PRKCE: variants seen among roughly 807,000 people sequenced by gnomAD.
PRKCE encodes protein kinase C epsilon type.
A neutral mutation model predicts 85.4 loss-of-function variants in PRKCE; 16 were observed. That is an observed-to-expected ratio of 0.19 (90% CI 0.13 to 0.28). PRKCE has a LOEUF of 0.28. Among genes scored for constraint, PRKCE ranks in the 10% least tolerant of loss-of-function variants. The pLI is 1.00. For missense variants in PRKCE, 573 were observed against 975.2 expected (o/e 0.59, Z 5.49); for synonymous variants, 388 against 371.5 (o/e 1.04, Z -0.51).
chr2:46,092,447 G>A (rs75456240), intron 11 of PRKCE, among the ~76,000 whole-genome samples: 4,883 of 152,252 alleles, frequency 0.032, 100 homozygotes, highest in Middle Eastern at 0.071. Context: ...GGGGAGACAA[G>A]GAGAAAGGAG....
At chr2:45,875,413 G>A (rs72801082) in intron 2 of PRKCE, among the ~76,000 whole-genome samples, 5,864 of 152,286 alleles carry the variant, frequency 0.039, 140 homozygotes, top group Middle Eastern at 0.11. Flanking sequence ...GACCTGTTCT[G>A]GTGTCACATG....
intron 1 of PRKCE, among the ~76,000 whole-genome samples, chr2:45,659,964 C>G (rs921178063): frequency 2.6e-5 from 4 of 152,110 alleles, no homozygotes; most frequent in Non-Finnish European, 5.9e-5. Flanking sequence ...TTTTTGTTCA[C>G]CGCTTTATCT....
chr2:46,163,288 C>T (rs1396344662), intron 14 of PRKCE, among the ~76,000 whole-genome samples: 1 of 150,146 alleles, frequency 6.7e-6, no homozygotes, highest in Non-Finnish European at 1.5e-5. Context: ...GGTGCATCCC[C>T]ATAGAGGCCA....
chr2:45,880,634 T>C (rs980024929), intron 2 of PRKCE, among the ~76,000 whole-genome samples: 1 of 152,160 alleles, frequency 6.6e-6, no homozygotes, highest in Non-Finnish European at 1.5e-5. Context: ...GCAGGGAGTA[T>C]ATGTATACCA....
intron 1 of PRKCE, among the ~76,000 whole-genome samples, chr2:45,732,120 C>T (rs1355203581): frequency 6.6e-6 from 1 of 152,070 alleles, no homozygotes; most frequent in Non-Finnish European, 1.5e-5. Context: ...TCATGTGAAC[C>T]TCAGTATAAA....
At chr2:45,753,585 T>G (rs1041044379) in intron 1 of PRKCE, among the ~76,000 whole-genome samples, 1 of 82,980 alleles carries the variant, frequency 1.2e-5, no homozygotes, top group Admixed American at 1.3e-4. Context: ...ACCCAGGTTG[T>G]TTGAGTTGTT....
At chr2:45,939,769 G>C (rs1341986049) in intron 2 of PRKCE, among the ~76,000 whole-genome samples, 1 of 152,182 alleles carries the variant, frequency 6.6e-6, no homozygotes, top group Non-Finnish European at 1.5e-5. Context: ...TGACCAGGAT[G>C]GTCTTGATCT....
intron 6 of PRKCE, among the ~76,000 whole-genome samples, chr2:45,985,081 G>C (rs1274884009): frequency 6.6e-6 from 1 of 152,186 alleles, no homozygotes; most frequent in Non-Finnish European, 1.5e-5. Context: ...ATGGCTCAGT[G>C]CTTACTCTTT....
At chr2:45,727,219 C>T (rs534165818) in intron 1 of PRKCE, among the ~76,000 whole-genome samples, 6 of 152,302 alleles carry the variant, frequency 3.9e-5, no homozygotes, top group Admixed American at 1.3e-4. Flanking sequence ...AACAGCTTAC[C>T]TACCTCTTAA....
intron 1 of PRKCE, among the ~76,000 whole-genome samples, chr2:45,689,485 A>G (rs539853525): frequency 6.6e-6 from 1 of 151,962 alleles, no homozygotes; most frequent in African/African-American, 2.4e-5. Flanking sequence ...TTAAAAATTG[A>G]TAATGTAATC....
chr2:45,801,058 TA>T (rs1160199625), intron 1 of PRKCE, among the ~76,000 whole-genome samples: 1 of 151,844 alleles, frequency 6.6e-6, no homozygotes, highest in East Asian at 1.9e-4. Context: ...GGGAACAGCA[TA>T]AGTGAAAGCA....
At chr2:45,759,465 T>C (rs1201941830) in intron 1 of PRKCE, among the ~76,000 whole-genome samples, 1 of 152,210 alleles carries the variant, frequency 6.6e-6, no homozygotes, top group African/African-American at 2.4e-5. Context: ...CTGTGAGGCT[T>C]CCCGTGCATC....
intron 2 of PRKCE, among the ~76,000 whole-genome samples, chr2:45,849,240 G>T (rs905058846): frequency 1.3e-5 from 2 of 152,300 alleles, no homozygotes; most frequent in South Asian, 4.1e-4. Context: ...CAATGGGAAG[G>T]AGTGTTCTAG....
chr2:45,933,766 G>A (rs375799063), intron 2 of PRKCE, among the ~76,000 whole-genome samples: 1 of 152,060 alleles, frequency 6.6e-6, no homozygotes, highest in African/African-American at 2.4e-5. Context: ...GTGAGCCACC[G>A]CACCCAGCAT....
chr2:45,724,517 AATG>A (rs1294409035), intron 1 of PRKCE, among the ~76,000 whole-genome samples: 2 of 152,212 alleles, frequency 1.3e-5, no homozygotes. Flanking sequence ...CAAAACTAGA[AATG>A]ATGAAGCTTA....
At chr2:45,760,183 C>G (rs1017159454) in intron 1 of PRKCE, among the ~76,000 whole-genome samples, 3 of 152,116 alleles carry the variant, frequency 2.0e-5, no homozygotes, top group Admixed American at 6.5e-5. Context: ...TTACTTGGTT[C>G]CTGACCTGCC....
At chr2:45,661,086 T>C (rs1259358941) in intron 1 of PRKCE, among the ~76,000 whole-genome samples, 2 of 152,220 alleles carry the variant, frequency 1.3e-5, no homozygotes, top group Non-Finnish European at 2.9e-5. Flanking sequence ...TAGTTTTATG[T>C]TAGTGAAAAG....
chr2:45,975,932 G>A (rs1243273428), intron 2 of PRKCE, among the ~76,000 whole-genome samples: 1 of 152,220 alleles, frequency 6.6e-6, no homozygotes, highest in African/African-American at 2.4e-5. Flanking sequence ...TCTTGAGCCA[G>A]GAAGCTTAGG....
intron 1 of PRKCE, among the ~76,000 whole-genome samples, chr2:45,692,864 T>C (rs139270860): frequency 4.3e-4 from 66 of 151,908 alleles, no homozygotes; most frequent in African/African-American, 1.4e-3. Context: ...GAGGGATGAG[T>C]GGAATTTTAG....
Sources: allele counts gnomAD v4.1 joint callset (sites outside exome capture counted in the v4.1 genomes callset), GRCh38; gene constraint gnomAD v4.1.1; transcripts MANE v1.5; gene names NCBI Gene and HGNC (gene_info 2026-07-23, HGNC 2026-07-21).